Variants in CHD2 observed in about 807,000 individuals in gnomAD.
The protein encoded by CHD2 is ATP-dependent chromatin remodeler CHD2.
CHD2 carries 28 observed loss-of-function variants against 243.9 expected under a neutral mutation model. That is an observed-to-expected ratio of 0.11 (90% CI 0.09 to 0.16). The LOEUF (loss-of-function observed/expected upper bound fraction) is 0.16, where lower values mean the gene tolerates loss of function less well. Ranked by LOEUF, CHD2 falls within the 10% of genes least tolerant of loss-of-function variation. The pLI, the probability that CHD2 is intolerant of heterozygous loss-of-function variation, is 1.00. For missense variants in CHD2, 1,386 were observed against 2,209.8 expected (o/e 0.63, Z 7.47); for synonymous variants, 775 against 779.0 (o/e 0.99, Z 0.09).
chr15:92,904,432 G>A (rs1278977856), intron 2 of CHD2: 1 of 987,618 alleles, frequency 1.0e-6, no homozygotes, highest in African/African-American at 1.7e-5. Flanking sequence ...AGTGACGTCT[G>A]GCCGCGTGCG....
chr15:93,005,343 G>A (rs578065572), intron 34 of CHD2, among the ~76,000 whole-genome samples: 12 of 152,184 alleles, frequency 7.9e-5, no homozygotes, highest in African/African-American at 1.9e-4. Flanking sequence ...AGGGCAAGGC[G>A]ATGGGGAGCG....
At chr15:92,947,787 A>G (rs10520716) in intron 12 of CHD2, among the ~76,000 whole-genome samples, 72,374 of 151,898 alleles carry the variant, frequency 0.48, 18,219 homozygotes, top group East Asian at 0.85. Flanking sequence ...GAGAGTAAGC[A>G]GTCGGATTCC....
intron 33 of CHD2, among the ~76,000 whole-genome samples, chr15:93,003,587 T>C (rs993433063): frequency 4.0e-5 from 6 of 151,504 alleles, no homozygotes; most frequent in South Asian, 4.2e-4. Context: ...CTTTTTTTTT[T>C]TTTTTGGCGG....
intron 17 of CHD2, 70 bp from the exon 18 acceptor site, chr15:92,971,695 A>G: frequency 7.0e-7 from 1 of 1,421,116 alleles, no homozygotes. Flanking sequence ...ACTATCTCTT[A>G]TACTCTTCTG....
At chr15:92,928,003 C>G (rs189218077) in intron 4 of CHD2, among the ~76,000 whole-genome samples, 286 of 152,242 alleles carry the variant, frequency 1.9e-3, no homozygotes, top group African/African-American at 5.8e-3. Context: ...AGACTAGATC[C>G]TGAAGAGAGA....
At chr15:93,010,831 G>T (rs575890036) in intron 35 of CHD2, among the ~76,000 whole-genome samples, 5 of 152,270 alleles carry the variant, frequency 3.3e-5, no homozygotes, top group African/African-American at 1.2e-4. Flanking sequence ...GTGCTTGTTT[G>T]TACATAACCA....
intron 24 of CHD2, 118 bp downstream of exon 24, chr15:92,981,575 T>A: frequency 2.9e-6 from 2 of 688,908 alleles, no homozygotes; most frequent in Non-Finnish European, 4.9e-6. Context: ...AATTGAGTCA[T>A]ATCCTCAATA....
At chr15:92,988,082 CTTT>C (rs61247385) in intron 26 of CHD2, among the ~76,000 whole-genome samples, 1 of 146,782 alleles carries the variant, frequency 6.8e-6, no homozygotes. Flanking sequence ...TTAGTTGTCT[CTTT>C]TTTTTTTTTC....
At chr15:92,990,962 C>G (rs1398604012) in intron 26 of CHD2, among the ~76,000 whole-genome samples, 4 of 152,264 alleles carry the variant, frequency 2.6e-5, no homozygotes, top group Non-Finnish European at 2.9e-5. Context: ...AGTTTTAAAT[C>G]ATATTTTACT....
intron 12 of CHD2, among the ~76,000 whole-genome samples, chr15:92,948,461 G>C (rs1383892776): frequency 1.3e-5 from 2 of 152,156 alleles, no homozygotes; most frequent in African/African-American, 2.4e-5. Context: ...TTTATTTGAG[G>C]ATGAACTAAC....
chr15:93,024,763 G>A lies in CHD2; in HGVS notation c.*58G>A. ...CCAAACACGTGGATATTTTTGGTCT[G>A]ATCCTACAGTAGCCGGTTATCTAGA... On this transcript the variant is annotated 3_prime_UTR_variant, in exon 39 of 39. Coordinates refer to ENST00000394196, the MANE Select transcript of CHD2 (RefSeq NM_001271.4). 6.9e-7 allele frequency: 1 copy of A among 1,439,934 alleles called. No homozygotes were observed. Among genetic ancestry groups the A allele is most frequent in the Non-Finnish European group, 9.5e-7 (1 of 1,055,320 alleles). 89.2% of individuals were successfully genotyped at this position (1,439,934 alleles called of 1,614,324 possible).
chr15:92,983,145 A>C (rs2054000692), intron 24 of CHD2, among the ~76,000 whole-genome samples: 1 of 152,086 alleles, frequency 6.6e-6, no homozygotes, highest in Non-Finnish European at 1.5e-5. Flanking sequence ...AACACCTTAC[A>C]TTGGGAGTTA....
rs540465851 is a variant in CHD2, at chr15:92,900,722, C to T, written c.-174C>T. The T allele has an allele frequency of 3.0e-5, 12 of 396,862 alleles. No individual in the cohort carries two copies. The South Asian group carries it at 1.1e-3, about 35-fold the overall frequency. The allele number at this position is 396,862 out of a possible 1,614,324, so 24.6% of individuals were successfully genotyped here. On this transcript the variant is annotated 5_prime_UTR_variant, in exon 1 of 39. Coordinates refer to ENST00000394196, the MANE Select transcript of CHD2 (RefSeq NM_001271.4). ...TTTGAGGGTTATTTTATTTATTTTT[C>T]GTTTTTTAACGGAGGATTTTGCCTT...
intron 2 of CHD2, chr15:92,902,137 A>G (rs1567115484): frequency 2.5e-6 from 1 of 397,926 alleles, no homozygotes; most frequent in Non-Finnish European, 4.4e-6. Context: ...CACAATTTAG[A>G]TGTAGCTGCT....
At chr15:92,973,357 T>C (rs2053867077) in intron 19 of CHD2, among the ~76,000 whole-genome samples, 1 of 152,224 alleles carries the variant, frequency 6.6e-6, no homozygotes, top group Non-Finnish European at 1.5e-5. Flanking sequence ...TATAGACACA[T>C]AGACATATAC....
In CHD2 at chr15:92,988,568, G is replaced by A. The variant is rs75542932; in HGVS notation, c.3413+2895G>A. 8.2e-3 allele frequency among the ~76,000 whole-genome samples: 1,246 copies of A among 152,234 alleles called. 15 individuals carry two copies. Among genetic ancestry groups the A allele is most frequent in the African/African-American group, 0.026 (1,074 of 41,528 alleles). On this transcript the variant is annotated intron_variant, in intron 26 of 38. Coordinates refer to ENST00000394196, the MANE Select transcript of CHD2 (RefSeq NM_001271.4). The stretch of plus-strand genomic sequence containing the variant: ...CTCTCTTTTAGCATTTTATTTTGAG[G>A]CAGGTCTGCTAACAATGGATTCTCT...
chr15:92,905,649 G>C (rs2052607440), intron 2 of CHD2, among the ~76,000 whole-genome samples: 1 of 152,148 alleles, frequency 6.6e-6, no homozygotes, highest in South Asian at 2.1e-4. Context: ...GAGTTTTGTA[G>C]GTTCTCATAA....
chr15:93,018,153 C>G (rs2054486750), intron 37 of CHD2, among the ~76,000 whole-genome samples: 1 of 152,200 alleles, frequency 6.6e-6, no homozygotes, highest in Non-Finnish European at 1.5e-5. Flanking sequence ...TGTTAGAAAT[C>G]TCACTTTCCA....
intron 2 of CHD2, chr15:92,902,902 T>A (rs760519301): frequency 6.6e-6 from 1 of 152,200 alleles, no homozygotes; most frequent in Non-Finnish European, 1.5e-5. Flanking sequence ...TTCTAAAAAA[T>A]TGAGCAGTGT....
Sources: gnomAD v4.1 joint callset for allele counts (sites outside exome capture counted in the v4.1 genomes callset) on GRCh38, gnomAD v4.1.1 for gene constraint, MANE v1.5 for transcripts, NCBI Gene and HGNC (gene_info 2026-07-23, HGNC 2026-07-21) for gene names.